The following CLIP1 variants were observed in gnomAD, a reference collection of about 807,000 sequenced individuals.
CLIP1 encodes the protein CAP-Gly domain containing linker protein 1, also known as CAP-Gly domain-containing linker protein 1.
CLIP1 carries 66 observed loss-of-function variants against 161.6 expected under a neutral mutation model. The observed-to-expected ratio is 0.41, with a 90% CI of 0.33 to 0.50. CLIP1 has a LOEUF of 0.50. Among genes scored for constraint, CLIP1 ranks in the 20% least tolerant of loss-of-function variants. The pLI is 0.27. For missense variants in CLIP1, 1,376 were observed against 1,702.0 expected, an observed-to-expected ratio of 0.81 and a Z score of 3.37; for synonymous variants, 598 against 626.2, an observed-to-expected ratio of 0.96 and a Z score of 0.67.
intron 14 of CLIP1, 61 bp downstream of exon 14, chr12:122,333,966 T>A: frequency 1.0e-6 from 1 of 992,038 alleles, no homozygotes; most frequent in Non-Finnish European, 1.6e-6. Context: ...ATACTACAAC[T>A]GTCTCGAATA....
At chr12:122,411,172 T>C (rs1453712016) in intron 1 of CLIP1, among the ~76,000 whole-genome samples, 3 of 152,110 alleles carry the variant, frequency 2.0e-5, no homozygotes, top group Non-Finnish European at 2.9e-5. Flanking sequence ...TCCCAGCACT[T>C]TGGGAGGCTG....
intron 1 of CLIP1, among the ~76,000 whole-genome samples, chr12:122,412,582 T>C (rs1350083627): frequency 6.6e-6 from 1 of 151,850 alleles, no homozygotes; most frequent in Non-Finnish European, 1.5e-5. Flanking sequence ...TTGAACTCGG[T>C]AGGCGGAGGT....
chr12:122,411,468 T>A (rs897009676), intron 1 of CLIP1, among the ~76,000 whole-genome samples: 1 of 152,124 alleles, frequency 6.6e-6, no homozygotes, highest in South Asian at 2.1e-4. Flanking sequence ...GCAGTATTCA[T>A]GAGACAAAAA....
At position 122,316,823 on chromosome 12, in the gene CLIP1, A is replaced by G; in HGVS notation, c.3399T>C (p.Asn1133=). 1 of 1,589,904 alleles carries G rather than the reference A, an allele frequency of 6.3e-7. No individual in the cohort carries two copies. Among genetic ancestry groups the G allele is most frequent in the Non-Finnish European group, 8.5e-7 (1 of 1,170,926 alleles). Residue 1133 remains asparagine, a synonymous_variant, in exon 19 of 26, where the codon AAT becomes AAC. Transcript: ENST00000620786. The part of the protein sequence containing the change: ...LDTLKENNLK[N]VEELNKSKEL... ...CTTTTGATTTGTTCAGCTCTTCCAC[A>G]TTTTTCAAGTTGTTTTCTTTAAGTG...
intron 1 of CLIP1, among the ~76,000 whole-genome samples, chr12:122,405,807 G>A (rs1288577570): frequency 7.2e-6 from 1 of 139,546 alleles, no homozygotes; most frequent in Non-Finnish European, 1.5e-5. Flanking sequence ...GGTTGCTCAC[G>A]GCCGTAATCC....
At chr12:122,322,020 A>C (rs1593063249) in intron 17 of CLIP1, 1 of 152,494 alleles carries the variant, frequency 6.6e-6, no homozygotes, top group East Asian at 1.9e-4. Flanking sequence ...GATTTCCATA[A>C]GCAGAAATGA....
chr12:122,293,818 T>TTG (rs1308802850), intron 20 of CLIP1, among the ~76,000 whole-genome samples: 2 of 149,738 alleles, frequency 1.3e-5, no homozygotes, highest in African/African-American at 4.9e-5. Flanking sequence ...TTTTTGTTTT[T>TTG]TTTTGAGACA....
chr12:122,307,229 G>A lies in CLIP1; in HGVS notation c.3594+2533C>T, dbSNP rs187051310. ...TCACCATCTTGGCCAGGCCGGTCTC[G>A]AACTCCTGACCTCATGATCCACCCG... is the stretch of plus-strand genomic sequence containing the variant. On this transcript the variant is annotated intron_variant, in intron 20 of 25. Coordinates refer to ENST00000620786, the MANE Select transcript of CLIP1 (RefSeq NM_001247997.2). Among the ~76,000 whole-genome samples, 38 of 151,902 alleles carry A rather than the reference G, an allele frequency of 2.5e-4. No individual in the cohort carries two copies. The Middle Eastern group carries it at 0.01, about 41-fold the overall frequency.
chr12:122,352,540 AG>A (rs1451407274), intron 8 of CLIP1, among the ~76,000 whole-genome samples, 185 bp downstream of exon 8: 4 of 152,150 alleles, frequency 2.6e-5, no homozygotes, highest in Admixed American at 1.3e-4. Context: ...CCACTCTGCT[AG>A]GAAGTGGGCC....
In CLIP1 at chr12:122,341,172, G is replaced by A. The variant is rs1259511288; in HGVS notation, c.2032C>T (p.Gln678Ter). Reference sequence around the variant, plus strand: ...GCCCGTTCAGAGTCTTGTTGATTCTGCAAATTTTCTATTTCGTGTTGGTAA... The same window carrying A: ...GCCCGTTCAGAGTCTTGTTGATTCTACAAATTTTCTATTTCGTGTTGGTAA... ...LDYQHEIENL[Q>*]NQQDSERAAH... The change falls in exon 11 of 26, where the codon CAG becomes TAG. Residue 678 changes from glutamine (Q) to a stop codon, truncating the protein, a stop_gained. Coordinates refer to ENST00000620786, the MANE Select transcript of CLIP1 (RefSeq NM_001247997.2). LOFTEE classifies it high-confidence loss of function. 6.2e-7 allele frequency: 1 copy of A among 1,614,068 alleles called. No individual in the cohort carries two copies. The highest frequency in any genetic ancestry group is 2.2e-5 in the East Asian group (1 of 44,890).
chr12:122,320,056 C>T (rs1451438730), intron 17 of CLIP1, among the ~76,000 whole-genome samples: 3 of 151,834 alleles, frequency 2.0e-5, no homozygotes, highest in African/African-American at 4.8e-5. Context: ...AGGCGGATCA[C>T]GAGGTCAAGA....
In CLIP1 at chr12:122,341,207, A is replaced by G. The variant is rs768298544; in HGVS notation, c.1997T>C (p.Met666Thr). Reference sequence around the variant, plus strand: ...TATTTCGTGTTGGTAATCTAGTCTCATTTTCTCTATTTGTGTTTTTAGTTC... The same window carrying G: ...TATTTCGTGTTGGTAATCTAGTCTCGTTTTCTCTATTTGTGTTTTTAGTTC... ...FAELKTQIEK[M>T]RLDYQHEIEN... is the part of the protein sequence containing the mutation. Residue 666 changes from methionine (M) to threonine (T), a missense_variant, in exon 11 of 26, where the codon ATG (methionine) becomes ACG (threonine). Coordinates refer to ENST00000620786, the MANE Select transcript of CLIP1 (RefSeq NM_001247997.2). 1 of 1,613,712 alleles carries G rather than the reference A, an allele frequency of 6.2e-7. No individual in the cohort carries two copies.
intron 23 of CLIP1, 47 bp downstream of exon 23, chr12:122,278,742 CTCG>C (rs774087116): frequency 6.6e-7 from 1 of 1,513,788 alleles, no homozygotes; most frequent in Admixed American, 2.2e-5. Context: ...GAAAGGGCTC[CTCG>C]GGAGGACGCG....
chr12:122,419,747 C>T (rs1277324411), intron 1 of CLIP1, among the ~76,000 whole-genome samples: 1 of 151,536 alleles, frequency 6.6e-6, no homozygotes, highest in Non-Finnish European at 1.5e-5. Flanking sequence ...ACCAGCCTGG[C>T]CAACATCGTG....
chr12:122,420,370 A>G (rs1956900481), intron 1 of CLIP1, among the ~76,000 whole-genome samples: 1 of 152,076 alleles, frequency 6.6e-6, no homozygotes, highest in Admixed American at 6.6e-5. Flanking sequence ...AGATAAGGAT[A>G]TCAGATTCTA....
In CLIP1 at chr12:122,311,464, G is replaced by A. The variant is rs966838592; in HGVS notation, c.3474-1582C>T. Among the ~76,000 whole-genome samples, 21 of 150,932 alleles carry A rather than the reference G, an allele frequency of 1.4e-4. No homozygotes were observed. The highest frequency in any genetic ancestry group is 2.7e-4 in the Non-Finnish European group (18 of 67,840). On this transcript the variant is annotated intron_variant, in intron 19 of 25. Coordinates refer to ENST00000620786, the MANE Select transcript of CLIP1 (RefSeq NM_001247997.2). This position sits in a 1 kb window ranked among gnomAD's most constrained non-coding sequence, Gnocchi z 4.3. ...TTTTGAGACAGAGTCTCGCTCTGTC[G>A]CCCAGGCTGGAGTGCAGTGGCACGA...
chr12:122,380,500 T>TG lies in CLIP1; in HGVS notation c.-49_-48insC. 1 of 1,223,100 alleles carries TG rather than the reference T, an allele frequency of 8.2e-7. No individual in the cohort carries two copies. Among genetic ancestry groups the TG allele is most frequent in the Non-Finnish European group, 1.2e-6 (1 of 833,874 alleles). The allele number at this position is 1,223,100 out of a possible 1,614,324, so 75.8% of individuals were successfully genotyped here. On this transcript the variant is annotated 5_prime_UTR_variant, in exon 2 of 26. An upstream open reading frame in the 5' UTR loses its in-frame stop. Coordinates refer to ENST00000620786, the MANE Select transcript of CLIP1 (RefSeq NM_001247997.2). ...TTCTCCTTTGCCTGTTGCCACTATCTTTCCCCAACCATTGATACAACTGTG... is the reference window on the plus strand; with the variant it reads ...TTCTCCTTTGCCTGTTGCCACTATCTGTTCCCCAACCATTGATACAACTGTG...
chr12:122,285,806 C>T (rs1007473265), intron 21 of CLIP1, among the ~76,000 whole-genome samples: 1 of 152,032 alleles, frequency 6.6e-6, no homozygotes, highest in Non-Finnish European at 1.5e-5. Flanking sequence ...GCTGCAGGAA[C>T]AAGCCCTATT....
intron 1 of CLIP1, among the ~76,000 whole-genome samples, chr12:122,390,413 A>G (rs11616082): frequency 0.77 from 115,743 of 149,376 alleles, 45,075 homozygotes; most frequent in East Asian, 0.85. Flanking sequence ...CTGGGTTCAA[A>G]CGATTCTCCT....
Sources: allele counts gnomAD v4.1 joint callset (sites outside exome capture counted in the v4.1 genomes callset), GRCh38; gene constraint gnomAD v4.1.1; non-coding constraint Gnocchi (gnomAD v3.1); transcripts MANE v1.5; gene names NCBI Gene and HGNC (gene_info 2026-07-23, HGNC 2026-07-21).